The following FAS variants were observed in gnomAD, a reference collection of about 807,000 sequenced individuals.
FAS encodes the protein Fas cell surface death receptor, also known as tumor necrosis factor receptor superfamily member 6.
Under a neutral mutation model 33.2 loss-of-function variants are expected in FAS, and 5 were observed. The observed-to-expected ratio is 0.15, with a 90% confidence interval of 0.08 to 0.32. The LOEUF (loss-of-function observed/expected upper bound fraction) is 0.32. Ranked by LOEUF, FAS falls within the 10% of genes least tolerant of loss-of-function variation. The pLI is 1.00. For missense variants in FAS, 339 were observed against 386.0 expected, an observed-to-expected ratio of 0.88 and a Z score of 1.02; for synonymous variants, 131 against 130.7, an observed-to-expected ratio of 1.00 and a Z score of -0.01.
intron 1 of FAS, among the ~76,000 whole-genome samples, chr10:88,994,463 T>C (rs762058172): frequency 2.6e-5 from 4 of 152,300 alleles, no homozygotes; most frequent in Non-Finnish European, 5.9e-5. Flanking sequence ...AAAAAGCAAC[T>C]TGAAACCAAA....
intron 1 of FAS, chr10:88,991,260 T>A (rs1431178936): frequency 6.6e-6 from 3 of 457,212 alleles, no homozygotes; most frequent in African/African-American, 6.0e-5. Flanking sequence ...CTGGGAAGCT[T>A]TAGGGTCGCT....
intron 2 of FAS, among the ~76,000 whole-genome samples, chr10:88,978,903 A>ATAT (rs956742252): frequency 2.0e-5 from 3 of 151,372 alleles, no homozygotes; most frequent in South Asian, 2.1e-4. Flanking sequence ...TATTATTATT[A>ATAT]TATTATTATT....
Position 89,007,733 on chromosome 10 carries a change from G to A in FAS, c.230G>A (p.Gly77Glu), listed in dbSNP as rs1589475649. The change falls in exon 3 of 9, where the codon GGG becomes GAG. Residue 77 changes from glycine (G) to glutamate (E), a missense_variant. By Grantham distance (98) the Gly-to-Glu change is moderately conservative. This residue lies in a region of FAS where 276 missense variants were observed against 300.1 expected (regional missense o/e 0.92). Coordinates refer to ENST00000652046, the MANE Select transcript of FAS (RefSeq NM_000043.6). ...AAAGCTAGGGACTGCACAGTCAATG[G>A]GGATGAACCAGACTGCGTGCCCTGC... ...ERKARDCTVN[G>E]DEPDCVPCQE... 1 of 1,613,964 alleles carries A rather than the reference G, an allele frequency of 6.2e-7. No individual in the cohort carries two copies. Among genetic ancestry groups the A allele is most frequent in the Non-Finnish European group, 8.5e-7 (1 of 1,179,938 alleles).
At chr10:88,987,076 C>A (rs1846919242), upstream of FAS, among the ~76,000 whole-genome samples, 1 of 152,196 alleles carries the variant, frequency 6.6e-6, no homozygotes, top group Admixed American at 6.5e-5. Flanking sequence ...AGAACCCATA[C>A]ATATTTCTAT....
At chr10:89,002,312 C>T (rs183549440) in intron 1 of FAS, among the ~76,000 whole-genome samples, 1 of 152,216 alleles carries the variant, frequency 6.6e-6, no homozygotes, top group Non-Finnish European at 1.5e-5. Context: ...AATCATTTCT[C>T]GCACTCTGTG....
chr10:88,970,764 A>C (rs1846423218), intron 1 of FAS, among the ~76,000 whole-genome samples: 2 of 152,166 alleles, frequency 1.3e-5, no homozygotes, highest in Admixed American at 1.3e-4. Context: ...GATATACCTA[A>C]TGTAAATGAC....
At chr10:88,968,615 C>T (rs1846365847) in intron 1 of FAS, among the ~76,000 whole-genome samples, 1 of 152,142 alleles carries the variant, frequency 6.6e-6, no homozygotes, top group Admixed American at 6.6e-5. Context: ...TAGGCAATCC[C>T]TCCTCCAAAA....
chr10:88,986,644 A>G (rs988191010), upstream of FAS, among the ~76,000 whole-genome samples: 1 of 152,122 alleles, frequency 6.6e-6, no homozygotes. Flanking sequence ...GAAAGGAAGT[A>G]GTACAGAAAG....
chr10:88,997,045 C>T lies in FAS; in HGVS notation c.31-5984C>T, dbSNP rs570719218. The stretch of plus-strand genomic sequence containing the variant: ...GGGTCATTATTTCTTCATGAGAAGT[C>T]AAATTCTGATTTGCAAGTGCTGAAC... On this transcript the variant is annotated intron_variant, in intron 1 of 8. Coordinates refer to ENST00000652046, the MANE Select transcript of FAS (RefSeq NM_000043.6). Among the ~76,000 whole-genome samples the T allele has an allele frequency of 2.6e-5, 4 of 152,346 alleles. No individual in the cohort carries two copies. The East Asian group carries it at 7.7e-4, about 29-fold the overall frequency.
At position 89,016,837 on chromosome 10, in the gene FAS, G is replaced by A; in HGVS notation, c.*2387G>A. ...TCAAACATCTTGGTCTTCTTTATTG[G>A]CATGCCCACAGGGTCTTCTGACCTC... On this transcript the variant is annotated 3_prime_UTR_variant, in exon 9 of 9. Coordinates refer to ENST00000652046, the MANE Select transcript of FAS (RefSeq NM_000043.6). The A allele has an allele frequency of 4.8e-6, 1 of 208,790 alleles. No homozygotes were observed. The highest frequency in any genetic ancestry group is 9.8e-6 in the Non-Finnish European group (1 of 102,564). The allele number at this position is 208,790 out of a possible 1,614,324, so 12.9% of individuals were successfully genotyped here. A position where few individuals can be genotyped will look rare whatever the true frequency, so the allele number is the denominator to read the frequency against.
chr10:89,007,848 T>TA lies in FAS; in HGVS notation c.334+15dup. ...GTGATGAAGGACATGGTAAGAGTCT[T>TA]AAAATGCAATTGAAAGAGGCCAATC... On this transcript the variant is annotated intron_variant, in intron 3 of 8. Coordinates refer to ENST00000652046, the MANE Select transcript of FAS (RefSeq NM_000043.6). The TA allele has an allele frequency of 6.2e-7, 1 of 1,613,746 alleles. No individual in the cohort carries two copies. The highest frequency in any genetic ancestry group is 8.5e-7 in the Non-Finnish European group (1 of 1,179,804).
Position 89,007,684 on chromosome 10 carries a change from T to G in FAS, c.197-16T>G, listed in dbSNP as rs1309479736. 3 of 1,600,160 alleles carry G rather than the reference T, an allele frequency of 1.9e-6. No individual in the cohort carries two copies. Among genetic ancestry groups the G allele is most frequent in the Admixed American group, 1.7e-5 (1 of 59,394 alleles). Reference sequence around the variant, plus strand: ...CGTGTCCTGTTCAAACACTTGCTCCTTTTTTCCTTGGGCAGGTGAAAGGAA... The same window carrying G: ...CGTGTCCTGTTCAAACACTTGCTCCGTTTTTCCTTGGGCAGGTGAAAGGAA... On this transcript the variant is annotated splice_polypyrimidine_tract_variant and intron_variant, in intron 2 of 8. Coordinates refer to ENST00000652046, the MANE Select transcript of FAS (RefSeq NM_000043.6).
At chr10:89,010,323 AAGAC>A (rs1177196447) in intron 4 of FAS, among the ~76,000 whole-genome samples, 1 of 125,456 alleles carries the variant, frequency 8.0e-6, no homozygotes, top group East Asian at 2.6e-4. Context: ...TTGAAATCTT[AAGAC>A]AGAGTCATTC....
chr10:89,002,935 A>G (rs1296400878), intron 1 of FAS, 94 bp from the exon 2 acceptor site: 7 of 1,356,578 alleles, frequency 5.2e-6, no homozygotes, highest in African/African-American at 1.4e-5. Flanking sequence ...GCCTGTGCAC[A>G]GCAGATACTG....
At chr10:89,010,994 A>C (rs559034980) in intron 6 of FAS, 179 bp downstream of exon 6, 85 of 724,758 alleles carry the variant, frequency 1.2e-4, no homozygotes, top group African/African-American at 1.1e-3. Context: ...ATTATTCCTC[A>C]GCTAGTTTCT....
At position 89,016,673 on chromosome 10, in the gene FAS, C is replaced by T. The variant is rs1848818429; in HGVS notation, c.*2223C>T. 8.9e-6 allele frequency: 2 copies of T among 223,756 alleles called. No individual in the cohort carries two copies. Among genetic ancestry groups the T allele is most frequent in the Non-Finnish European group, 1.8e-5 (2 of 112,134 alleles). The allele number at this position is 223,756 out of a possible 1,614,324, so 13.9% of individuals were successfully genotyped here. A position where few individuals can be genotyped will look rare whatever the true frequency, so the allele number is the denominator to read the frequency against. On this transcript the variant is annotated 3_prime_UTR_variant, in exon 9 of 9. Coordinates refer to ENST00000652046, the MANE Select transcript of FAS (RefSeq NM_000043.6). ...TTGAGGTGACCCCACGGTCCAGAAT[C>T]ATCCTCATTCTGGTGAACCTGGTTC... is the stretch of plus-strand genomic sequence containing the variant.
Position 89,010,899 on chromosome 10 carries a change from A to G in FAS, c.568+84A>G. On this transcript the variant is annotated intron_variant, in intron 6 of 8. Coordinates refer to ENST00000652046, the MANE Select transcript of FAS (RefSeq NM_000043.6). ...GATTTGCCTCATTCTTACCTATAAAAAGCTACCACTTTGGTAGATTTATGT... is the reference window on the plus strand; with the variant it reads ...GATTTGCCTCATTCTTACCTATAAAGAGCTACCACTTTGGTAGATTTATGT... 6 of 1,482,678 alleles carry G rather than the reference A, an allele frequency of 4.0e-6. No homozygotes were observed. In the Middle Eastern group the frequency reaches 5.2e-4, roughly 127 times the overall value. The allele number at this position is 1,482,678 out of a possible 1,614,324, so 91.8% of individuals were successfully genotyped here. A position where few individuals can be genotyped will look rare whatever the true frequency, so the allele number is the denominator to read the frequency against.
At chr10:88,995,852 A>G (rs1234478283) in intron 1 of FAS, among the ~76,000 whole-genome samples, 2 of 151,548 alleles carry the variant, frequency 1.3e-5, no homozygotes, top group South Asian at 2.1e-4. Context: ...ACAAAAAATC[A>G]TACCTTTAGA....
At chr10:88,995,494 C>T (rs563243644) in intron 1 of FAS, among the ~76,000 whole-genome samples, 1 of 152,208 alleles carries the variant, frequency 6.6e-6, no homozygotes, top group South Asian at 2.1e-4. Flanking sequence ...AGCCTGAGTC[C>T]CACTAAGTAG....
Sources: allele counts gnomAD v4.1 joint callset (sites outside exome capture counted in the v4.1 genomes callset), GRCh38; gene constraint gnomAD v4.1.1; regional missense constraint gnomAD v4.1.1; transcripts MANE v1.5; gene names NCBI Gene and HGNC (gene_info 2026-07-23, HGNC 2026-07-21).